Variants in MACROD2 observed in about 807,000 individuals in gnomAD.
The protein encoded by MACROD2 is ADP-ribose glycohydrolase MACROD2.
MACROD2 carries 36 observed loss-of-function variants against 70.4 expected under a neutral mutation model. The observed-to-expected ratio is 0.51, with a 90% CI of 0.39 to 0.68. MACROD2 has a LOEUF of 0.68. MACROD2 is among the 30% of genes least tolerant of loss of function. The probability of loss-of-function intolerance (pLI) is 0.00; values close to 1 mark genes in which losing one functional copy is unlikely to be tolerated. For missense variants in MACROD2, 496 were observed against 538.4 expected (o/e 0.92, Z 0.78); for synonymous variants, 172 against 178.8 (o/e 0.96, Z 0.30).
Position 15,674,383 on chromosome 20 carries a change from C to T in MACROD2, c.645+174536C>T, listed in dbSNP as rs188163418. ...GATACAGAGGTGAGGGGAGGCAGTG[C>T]GACAGGGAGCAGCAGTGGGTGCGAA... On this transcript the variant is annotated intron_variant, in intron 8 of 17. Transcript: ENST00000684519. 3.9e-5 allele frequency among the ~76,000 whole-genome samples: 6 copies of T among 152,066 alleles called. No individual in the cohort carries two copies. The East Asian group carries it at 9.7e-4, about 25-fold the overall frequency.
chr20:14,565,442 C>A (rs149580348), intron 4 of MACROD2, among the ~76,000 whole-genome samples: 1 of 151,754 alleles, frequency 6.6e-6, no homozygotes, highest in African/African-American at 2.4e-5. Context: ...TCCCTCCCAC[C>A]CCTCCCTCTC....
chr20:15,824,719 C>G (rs2063978123), intron 8 of MACROD2, among the ~76,000 whole-genome samples: 1 of 152,184 alleles, frequency 6.6e-6, no homozygotes, highest in Non-Finnish European at 1.5e-5. Context: ...AGCTCTCCCC[C>G]ACCCATTAAG....
intron 7 of MACROD2, among the ~76,000 whole-genome samples, chr20:15,475,611 C>T (rs998573190): frequency 3.9e-5 from 6 of 152,224 alleles, no homozygotes; most frequent in Admixed American, 6.5e-5. Context: ...AGCCACACCC[C>T]GCAGTCATCC....
intron 5 of MACROD2, among the ~76,000 whole-genome samples, chr20:14,903,240 C>A (rs2073919492): frequency 6.6e-6 from 1 of 151,898 alleles, no homozygotes; most frequent in Admixed American, 6.6e-5. Flanking sequence ...GGGGTTTCAC[C>A]ATATTGGCCA....
At chr20:15,054,130 C>T (rs2075464243) in intron 5 of MACROD2, among the ~76,000 whole-genome samples, 1 of 152,030 alleles carries the variant, frequency 6.6e-6, no homozygotes, top group African/African-American at 2.4e-5. Flanking sequence ...GGAATCTGCT[C>T]CTGATGAAGA....
intron 5 of MACROD2, among the ~76,000 whole-genome samples, chr20:14,705,896 T>C (rs2071263454): frequency 6.6e-6 from 1 of 151,904 alleles, no homozygotes; most frequent in Non-Finnish European, 1.5e-5. Context: ...TCTCTTCCTC[T>C]CTCTCTTTTT....
chr20:14,443,805 C>T (rs1035770037), intron 3 of MACROD2, among the ~76,000 whole-genome samples: 1 of 152,030 alleles, frequency 6.6e-6, no homozygotes, highest in Non-Finnish European at 1.5e-5. Context: ...AATTTCTAAG[C>T]CATAGTCTCC....
intron 8 of MACROD2, among the ~76,000 whole-genome samples, chr20:15,616,976 T>C (rs1250615041): frequency 6.6e-6 from 1 of 152,162 alleles, no homozygotes; most frequent in Non-Finnish European, 1.5e-5. Flanking sequence ...TCAAACACAA[T>C]TTGTTAGTAT....
intron 5 of MACROD2, among the ~76,000 whole-genome samples, chr20:14,688,339 G>A (rs575188863): frequency 6.6e-6 from 1 of 152,206 alleles, no homozygotes; most frequent in Non-Finnish European, 1.5e-5. Flanking sequence ...CCTCTTTTAT[G>A]CTTGCTAAAT....
intron 5 of MACROD2, among the ~76,000 whole-genome samples, chr20:14,724,430 A>T (rs1251492740): frequency 6.6e-6 from 1 of 152,178 alleles, no homozygotes; most frequent in Non-Finnish European, 1.5e-5. Context: ...AATGGTAGGG[A>T]TGCCCCATAA....
intron 5 of MACROD2, among the ~76,000 whole-genome samples, chr20:14,878,722 A>T (rs895979344): frequency 6.6e-6 from 1 of 152,160 alleles, no homozygotes; most frequent in Admixed American, 6.5e-5. Flanking sequence ...AGTTGATAAT[A>T]TGATCTATCC....
At chr20:14,881,589 A>G (rs6034053) in intron 5 of MACROD2, among the ~76,000 whole-genome samples, 113,979 of 151,946 alleles carry the variant, frequency 0.75, 43,481 homozygotes, top group East Asian at 0.95. Flanking sequence ...TCAGCTGAGA[A>G]AACCAAGCAG....
At chr20:14,395,604 T>C (rs2122817659) in intron 3 of MACROD2, among the ~76,000 whole-genome samples, 1 of 152,284 alleles carries the variant, frequency 6.6e-6, no homozygotes, top group East Asian at 1.9e-4. Context: ...ACTTTGATAT[T>C]CAGTATTTAT....
At chr20:14,674,027 T>G (rs2070829063) in intron 4 of MACROD2, among the ~76,000 whole-genome samples, 1 of 152,200 alleles carries the variant, frequency 6.6e-6, no homozygotes, top group Admixed American at 6.5e-5. Flanking sequence ...TTATAAAATG[T>G]AATACATTAA....
intron 3 of MACROD2, among the ~76,000 whole-genome samples, chr20:14,419,346 G>A (rs1031297602): frequency 1.3e-5 from 2 of 152,146 alleles, no homozygotes; most frequent in Non-Finnish European, 2.9e-5. Flanking sequence ...GATCCACTAT[G>A]CCCAGCTAGG....
intron 8 of MACROD2, among the ~76,000 whole-genome samples, chr20:15,582,722 G>A (rs1396377029): frequency 7.2e-5 from 11 of 152,158 alleles, no homozygotes; most frequent in Admixed American, 2.0e-4. Context: ...TTTGCAGTGT[G>A]GAGAAGGGAT....
At chr20:15,571,136 A>G (rs1435776315) in intron 8 of MACROD2, among the ~76,000 whole-genome samples, 1 of 152,166 alleles carries the variant, frequency 6.6e-6, no homozygotes. Flanking sequence ...TTGTAGGTCA[A>G]TACAGAAATA....
At chr20:14,436,362 G>A (rs1346502676) in intron 3 of MACROD2, among the ~76,000 whole-genome samples, 1 of 152,148 alleles carries the variant, frequency 6.6e-6, no homozygotes, top group Admixed American at 6.5e-5. Flanking sequence ...TCATGAAGCC[G>A]ATTTCAAACT....
chr20:15,852,262 T>A (rs1425586956), intron 8 of MACROD2, among the ~76,000 whole-genome samples: 1 of 152,200 alleles, frequency 6.6e-6, no homozygotes, highest in Non-Finnish European at 1.5e-5. Context: ...ATTTTTCTTA[T>A]TGAGTTGAAG....
Sources: gnomAD v4.1 joint callset for allele counts (sites outside exome capture counted in the v4.1 genomes callset) on GRCh38, gnomAD v4.1.1 for gene constraint, MANE v1.5 for transcripts, NCBI Gene and HGNC (gene_info 2026-07-23, HGNC 2026-07-21) for gene names.